Variants in FBXL2 observed in about 807,000 individuals in gnomAD.
FBXL2 encodes F-box/LRR-repeat protein 2.
FBXL2 carries 38 observed loss-of-function variants against 69.2 expected under a neutral mutation model. The observed-to-expected ratio is 0.55, with a 90% confidence interval of 0.42 to 0.72. FBXL2 has a LOEUF of 0.72. FBXL2 is among the 30% of genes least tolerant of loss of function. The pLI, the probability that FBXL2 is intolerant of heterozygous loss-of-function variation, is 0.00. For missense variants in FBXL2, 354 were observed against 520.3 expected (o/e 0.68, Z 3.11); for synonymous variants, 192 against 201.3 (o/e 0.95, Z 0.39).
At chr3:33,422,303 G>A in the FBXL2 span, among the ~76,000 whole-genome samples, 1 of 152,068 alleles carries the variant, frequency 6.6e-6, no homozygotes, top group Non-Finnish European at 1.5e-5. Context: ...TACTCAGAAG[G>A]CCTGAGGCAG....
chr3:33,331,445 G>A (rs553470757), intron 2 of FBXL2, among the ~76,000 whole-genome samples: 3 of 152,088 alleles, frequency 2.0e-5, no homozygotes, highest in Non-Finnish European at 4.4e-5. Context: ...ACTACACCAT[G>A]CAGGGACCCT....
downstream of FBXL2, among the ~76,000 whole-genome samples, chr3:33,404,525 T>TAGTCACAGCTACTTGGG (rs1385215475): frequency 6.6e-6 from 1 of 150,572 alleles, no homozygotes; most frequent in Non-Finnish European, 1.5e-5. Flanking sequence ...AGCACACCTG[T>TAGTCACAGCTACTTGGG]AGTCACAGCT....
chr3:33,404,104 A>C (rs1027706439), downstream of FBXL2, among the ~76,000 whole-genome samples: 38 of 152,270 alleles, frequency 2.5e-4, no homozygotes, highest in African/African-American at 8.9e-4. Context: ...CTACCAAAAA[A>C]TAAAAACAAT....
At chr3:33,337,576 A>C (rs2039688474) in intron 2 of FBXL2, among the ~76,000 whole-genome samples, 1 of 152,174 alleles carries the variant, frequency 6.6e-6, no homozygotes, top group African/African-American at 2.4e-5. Context: ...AGTTTAGAAA[A>C]CTTTTAGCAA....
intron 2 of FBXL2, among the ~76,000 whole-genome samples, chr3:33,314,242 T>TGTA (rs2037469293): frequency 6.6e-6 from 1 of 152,206 alleles, no homozygotes; most frequent in Non-Finnish European, 1.5e-5. Flanking sequence ...GACACATCTG[T>TGTA]CACCACTCAT....
At chr3:33,342,810 C>T (rs1476093925) in intron 2 of FBXL2, among the ~76,000 whole-genome samples, 2 of 139,620 alleles carry the variant, frequency 1.4e-5, no homozygotes, top group East Asian at 2.2e-4. Flanking sequence ...ACTGCAAGCT[C>T]CGCCTCCCGG....
the FBXL2 span, among the ~76,000 whole-genome samples, chr3:33,413,674 T>C: frequency 2.6e-5 from 4 of 151,898 alleles, no homozygotes; most frequent in African/African-American, 9.7e-5. Context: ...ATGCCTGTAA[T>C]CCCAGCAGCC....
chr3:33,411,411 T>A, the FBXL2 span, among the ~76,000 whole-genome samples: 2 of 152,188 alleles, frequency 1.3e-5, no homozygotes, highest in Non-Finnish European at 2.9e-5. Context: ...TATATGTTAG[T>A]TTAAAATAGG....
At chr3:33,346,833 A>AG (rs1559580679) in intron 2 of FBXL2, among the ~76,000 whole-genome samples, 2 of 152,048 alleles carry the variant, frequency 1.3e-5, no homozygotes, top group East Asian at 3.9e-4. Context: ...GATTTAAAAA[A>AG]AAATTTTGTG....
the FBXL2 span, chr3:33,416,906 G>T: frequency 7.7e-7 from 1 of 1,296,640 alleles, no homozygotes; most frequent in Non-Finnish European, 1.1e-6. Flanking sequence ...AATTCAAAAT[G>T]CATGTTTCTC....
At chr3:33,376,526 G>A (rs1345143308) in intron 10 of FBXL2, among the ~76,000 whole-genome samples, 1 of 152,206 alleles carries the variant, frequency 6.6e-6, no homozygotes, top group African/African-American at 2.4e-5. Context: ...CTGTAAGGGA[G>A]TGTTTAACTT....
At chr3:33,363,676 G>C (rs1020310306) in intron 4 of FBXL2, among the ~76,000 whole-genome samples, 1 of 152,178 alleles carries the variant, frequency 6.6e-6, no homozygotes, top group Non-Finnish European at 1.5e-5. Context: ...CACAGGGCAT[G>C]GTAGTACTAC....
chr3:33,374,354 G>C (rs970352894), intron 9 of FBXL2, among the ~76,000 whole-genome samples: 1 of 152,130 alleles, frequency 6.6e-6, no homozygotes, highest in Non-Finnish European at 1.5e-5. Flanking sequence ...AAAACGCATA[G>C]GCAAGAGCAA....
chr3:33,409,410 T>A, the FBXL2 span: 1 of 1,613,944 alleles, frequency 6.2e-7, no homozygotes, highest in Admixed American at 1.7e-5. Flanking sequence ...CAGGCAAAAC[T>A]GAGCCTTAAT....
At chr3:33,279,474 TTGGTCAGGA>T (rs1339804526) in intron 1 of FBXL2, among the ~76,000 whole-genome samples, 3 of 152,170 alleles carry the variant, frequency 2.0e-5, no homozygotes, top group South Asian at 4.1e-4. Context: ...TTTCACCATG[TTGGTCAGGA>T]TGGTCTCCAT....
chr3:33,399,331 A>G (rs184417294), intron 12 of FBXL2, among the ~76,000 whole-genome samples: 61 of 152,366 alleles, frequency 4.0e-4, no homozygotes, highest in Admixed American at 3.6e-3. Flanking sequence ...CAGGTTTCCT[A>G]TAGCACTACC....
intron 2 of FBXL2, among the ~76,000 whole-genome samples, chr3:33,310,470 T>C (rs1041902764): frequency 1.3e-5 from 2 of 152,162 alleles, no homozygotes; most frequent in Non-Finnish European, 2.9e-5. Flanking sequence ...AGTTTTATAT[T>C]TTAATCTTCA....
the FBXL2 span, among the ~76,000 whole-genome samples, chr3:33,420,969 T>C: frequency 5.9e-5 from 9 of 152,164 alleles, no homozygotes; most frequent in Non-Finnish European, 1.0e-4. Context: ...GAAAATGTAT[T>C]TGGGGACTAA....
At chr3:33,317,485 A>C in intron 2 of FBXL2, 1 of 456,702 alleles carries the variant, frequency 2.2e-6, no homozygotes, top group South Asian at 1.5e-5. Context: ...AGGAGCAGGG[A>C]CAGGATAACA....
Sources: gnomAD v4.1 joint callset for allele counts (sites outside exome capture counted in the v4.1 genomes callset) on GRCh38, gnomAD v4.1.1 for gene constraint, MANE v1.5 for transcripts, NCBI Gene and HGNC (gene_info 2026-07-23, HGNC 2026-07-21) for gene names.